Variants in ABCA13 observed in about 807,000 individuals in gnomAD.
ABCA13 encodes ATP-binding cassette sub-family A member 13.
ABCA13 carries 476 observed loss-of-function variants against 478.7 expected under a neutral mutation model. That is an observed-to-expected ratio of 0.99 (90% CI 0.92 to 1.07). The LOEUF (loss-of-function observed/expected upper bound fraction) is 1.07. Among genes scored for constraint, ABCA13 ranks in the 50% least tolerant of loss-of-function variants. The probability of loss-of-function intolerance (pLI) is 0.00; values close to 1 mark genes in which losing one functional copy is unlikely to be tolerated. For missense variants in ABCA13, 6,060 were observed against 5,910.6 expected (o/e 1.03, Z -0.83); for synonymous variants, 2,252 against 2,158.9 (o/e 1.04, Z -1.20).
intron 31 of ABCA13, among the ~76,000 whole-genome samples, chr7:48,358,221 G>A (rs1188841947): frequency 1.8e-5 from 2 of 110,652 alleles, no homozygotes; most frequent in East Asian, 3.3e-4. Context: ...AAAAGGAAAG[G>A]AAGGGGAGGG....
chr7:48,477,088 TA>T (rs1052397684), intron 45 of ABCA13, among the ~76,000 whole-genome samples: 2 of 152,130 alleles, frequency 1.3e-5, no homozygotes, highest in Admixed American at 1.3e-4. Context: ...AAGTAGCATT[TA>T]AAGAGTCCAG....
intron 29 of ABCA13, among the ~76,000 whole-genome samples, chr7:48,347,117 C>T (rs1459959572): frequency 6.6e-6 from 1 of 152,240 alleles, no homozygotes; most frequent in Non-Finnish European, 1.5e-5. Context: ...TTTCACAGCA[C>T]TGCTGTCTCC....
intron 24 of ABCA13, among the ~76,000 whole-genome samples, chr7:48,311,539 G>A (rs1801778072): frequency 6.6e-6 from 1 of 152,088 alleles, no homozygotes; most frequent in Admixed American, 6.5e-5. Flanking sequence ...GTGCACAAAG[G>A]TCCCCGATTT....
At chr7:48,175,372 G>A (rs1433561670) in intron 1 of ABCA13, among the ~76,000 whole-genome samples, 1 of 152,056 alleles carries the variant, frequency 6.6e-6, no homozygotes, top group Admixed American at 6.6e-5. Context: ...ATTTCTTTGT[G>A]TTGGGGACAT....
chr7:48,416,158 A>G (rs1819946255), intron 41 of ABCA13, among the ~76,000 whole-genome samples: 1 of 152,162 alleles, frequency 6.6e-6, no homozygotes, highest in Admixed American at 6.5e-5. Flanking sequence ...TCTCCTTTAT[A>G]AGTGTTATTT....
At chr7:48,342,249 A>G (rs1471136814) in intron 29 of ABCA13, among the ~76,000 whole-genome samples, 1 of 152,108 alleles carries the variant, frequency 6.6e-6, no homozygotes, top group Non-Finnish European at 1.5e-5. Context: ...ATCCTTGCAC[A>G]CAGGGTCAGT....
intron 26 of ABCA13, among the ~76,000 whole-genome samples, chr7:48,315,396 G>A (rs1802424856): frequency 6.6e-6 from 1 of 151,914 alleles, no homozygotes; most frequent in South Asian, 2.1e-4. Context: ...TTCATATTAA[G>A]CTTGCAATGT....
intron 32 of ABCA13, among the ~76,000 whole-genome samples, chr7:48,370,435 T>G (rs1812449999): frequency 1.3e-5 from 2 of 152,136 alleles, no homozygotes; most frequent in South Asian, 4.1e-4. Context: ...CTACATTGAA[T>G]AGTAGTGGTG....
intron 1 of ABCA13, among the ~76,000 whole-genome samples, chr7:48,192,662 C>A (rs534223995): frequency 6.6e-6 from 1 of 152,046 alleles, no homozygotes; most frequent in African/African-American, 2.4e-5. Context: ...ATGGGAAATA[C>A]GGGTGAAGTT....
intron 58 of ABCA13, among the ~76,000 whole-genome samples, chr7:48,609,415 T>C (rs971855303): frequency 6.6e-6 from 1 of 152,212 alleles, no homozygotes; most frequent in Non-Finnish European, 1.5e-5. Flanking sequence ...ATCCTGTGAT[T>C]CTAAAATGGC....
At chr7:48,284,916 C>G (rs962519333) in intron 19 of ABCA13, among the ~76,000 whole-genome samples, 4 of 152,090 alleles carry the variant, frequency 2.6e-5, no homozygotes, top group African/African-American at 9.7e-5. Context: ...ATAAAGGGAA[C>G]AAGAATAAGA....
intron 15 of ABCA13, among the ~76,000 whole-genome samples, chr7:48,254,776 G>T (rs1210123596): frequency 6.6e-6 from 1 of 152,038 alleles, no homozygotes; most frequent in Non-Finnish European, 1.5e-5. Context: ...GCCTTCTGGG[G>T]GTATCAAGCT....
intron 32 of ABCA13, among the ~76,000 whole-genome samples, chr7:48,368,778 C>T (rs11972438): frequency 0.02 from 1,583 of 80,196 alleles, 37 homozygotes; most frequent in African/African-American, 0.086. Context: ...TATACATATA[C>T]ACACACACAC....
At chr7:48,480,795 C>A (rs551586318) in intron 45 of ABCA13, among the ~76,000 whole-genome samples, 3 of 152,202 alleles carry the variant, frequency 2.0e-5, no homozygotes, top group African/African-American at 7.2e-5. Context: ...AACTTACATA[C>A]AGAAAAGGAT....
intron 9 of ABCA13, among the ~76,000 whole-genome samples, chr7:48,240,277 G>A (rs567535580): frequency 6.6e-6 from 1 of 152,286 alleles, no homozygotes; most frequent in South Asian, 2.1e-4. Context: ...TGGTCTAGTG[G>A]ACACACTTGC....
chr7:48,314,204 T>C (rs780998205), intron 25 of ABCA13, 28 bp from the exon 26 acceptor site: 1 of 1,604,120 alleles, frequency 6.2e-7, no homozygotes, highest in Non-Finnish European at 8.5e-7. Context: ...CACTATGTAA[T>C]TGCAATTTAG....
At chr7:48,408,816 A>T (rs1818613700) in intron 39 of ABCA13, among the ~76,000 whole-genome samples, 1 of 152,100 alleles carries the variant, frequency 6.6e-6, no homozygotes, top group Non-Finnish European at 1.5e-5. Context: ...GTACCCATTC[A>T]TTATTTTTCC....
In ABCA13 at chr7:48,317,262, C is replaced by A. The variant is rs1308285287; in HGVS notation, c.9965C>A (p.Pro3322Gln). The A allele has an allele frequency of 6.2e-7, 1 of 1,613,446 alleles. No homozygotes were observed. The highest frequency in any genetic ancestry group is 8.5e-7 in the Non-Finnish European group (1 of 1,179,792). The stretch of plus-strand genomic sequence containing the variant: ...TTGCATGGAAAAATACTATACACAC[C>A]AAACACTCCAGAAATTAACAAGGTC... Reference protein sequence around the residue: ...PILHGKILYTPNTPEINKVIQ... With the variant: ...PILHGKILYTQNTPEINKVIQ... Residue 3322 changes from proline (P) to glutamine (Q), a missense_variant, in exon 27 of 62, where the codon CCA becomes CAA. This residue lies in a region of ABCA13 where 4,423 missense variants were observed against 4,309.1 expected (regional missense o/e 1.03). Coordinates refer to ENST00000435803, the MANE Select transcript of ABCA13 (RefSeq NM_152701.5).
At chr7:48,636,834 G>A (rs1586060400) in intron 59 of ABCA13, among the ~76,000 whole-genome samples, 1 of 152,154 alleles carries the variant, frequency 6.6e-6, no homozygotes, top group South Asian at 2.1e-4. Flanking sequence ...CAGTTGGAAA[G>A]TTCCAGGCAC....
Sources: allele counts gnomAD v4.1 joint callset (sites outside exome capture counted in the v4.1 genomes callset), GRCh38; gene constraint gnomAD v4.1.1; regional missense constraint gnomAD v4.1.1; transcripts MANE v1.5; gene names NCBI Gene and HGNC (gene_info 2026-07-23, HGNC 2026-07-21).